The following ABL1 variants were observed in gnomAD, a reference collection of about 807,000 sequenced individuals.
ABL1 encodes tyrosine-protein kinase ABL1.
In ABL1, 11 loss-of-function variants were observed where a neutral mutation model predicts 94.7. That is an observed-to-expected ratio of 0.12 (90% CI 0.07 to 0.19). ABL1 has a LOEUF of 0.19. Ranked by LOEUF, ABL1 falls within the 10% of genes least tolerant of loss-of-function variation. The pLI, the probability that ABL1 is intolerant of heterozygous loss-of-function variation, is 1.00. For synonymous variants in ABL1, 656 were observed against 622.4 expected, an observed-to-expected ratio of 1.05 and a Z score of -0.80; for missense variants, 1,082 against 1,489.4, an observed-to-expected ratio of 0.73 and a Z score of 4.50.
chr9:130,723,049 A>G (rs1424631290), intron 1 of ABL1, among the ~76,000 whole-genome samples: 1 of 152,126 alleles, frequency 6.6e-6, no homozygotes, highest in Admixed American at 6.6e-5. Context: ...TGGGAATTAA[A>G]CCCATAGGAA....
rs527487851 is a variant in ABL1, at chr9:130,742,331, T to C, written c.136+27876T>C. Among the ~76,000 whole-genome samples the C allele has an allele frequency of 1.0e-3, 157 of 152,346 alleles. 2 individuals carry two copies. The highest frequency in any genetic ancestry group is 4.9e-3 in the Admixed American group (75 of 15,298). ...CCCACATACTTCTGAGATGTACTGA[T>C]GATGACTACATTTAAAGCTTTTTCT... On this transcript the variant is annotated intron_variant, in intron 1 of 10. Transcript: ENST00000372348.
intron 1 of ABL1, among the ~76,000 whole-genome samples, chr9:130,734,649 G>A (rs1308796525): frequency 6.6e-6 from 1 of 151,588 alleles, no homozygotes; most frequent in Non-Finnish European, 1.5e-5. Context: ...AGCCTCCCGA[G>A]TAGCTGGGAT....
chr9:130,858,730 C>T (rs1439239733), intron 3 of ABL1, among the ~76,000 whole-genome samples: 1 of 152,044 alleles, frequency 6.6e-6, no homozygotes, highest in East Asian at 1.9e-4. Flanking sequence ...ATTTTAAGAC[C>T]GATAGGAGGA....
intron 1 of ABL1, among the ~76,000 whole-genome samples, chr9:130,825,371 CT>C (rs1830412336): frequency 6.6e-6 from 1 of 152,102 alleles, no homozygotes; most frequent in African/African-American, 2.4e-5. Context: ...TTTGCAGATT[CT>C]TTTAGTCTTA....
At chr9:130,836,112 T>C (rs1027306684) in intron 1 of ABL1, among the ~76,000 whole-genome samples, 5 of 152,176 alleles carry the variant, frequency 3.3e-5, no homozygotes, top group Admixed American at 3.3e-4. Flanking sequence ...CCCACCCCCA[T>C]CTTATCTACA....
At chr9:130,785,413 G>A (rs1829813206) in intron 1 of ABL1, among the ~76,000 whole-genome samples, 1 of 152,172 alleles carries the variant, frequency 6.6e-6, no homozygotes, top group Non-Finnish European at 1.5e-5. Flanking sequence ...GTTTGCCACC[G>A]GCATGCTGTG....
At chr9:130,829,756 T>TA in intron 1 of ABL1, among the ~76,000 whole-genome samples, 1 of 152,286 alleles carries the variant, frequency 6.6e-6, no homozygotes, top group South Asian at 2.1e-4. Flanking sequence ...GAAACATTCA[T>TA]AGTATATTAT....
At position 130,863,934 on chromosome 9, in the gene ABL1, T is replaced by G. The variant is rs1831115439; in HGVS notation, c.822+899T>G. Among the ~76,000 whole-genome samples, 1 of 151,970 alleles carries G rather than the reference T, an allele frequency of 6.6e-6. No individual in the cohort carries two copies. Among genetic ancestry groups the G allele is most frequent in the African/African-American group, 2.4e-5 (1 of 41,382 alleles). On this transcript the variant is annotated intron_variant, in intron 4 of 10. Transcript: ENST00000318560. The surrounding 1 kb of genome is among the most constrained non-coding windows in gnomAD (Gnocchi z 4.3). ...ACATCCACCTCTGGGAAAAATAGAG[T>G]TTAGTTTGTGCATGTGTCTCAGAAG...
At chr9:130,854,557 T>C (rs1830943591) in intron 2 of ABL1, among the ~76,000 whole-genome samples, 1 of 152,202 alleles carries the variant, frequency 6.6e-6, no homozygotes, top group Non-Finnish European at 1.5e-5. Flanking sequence ...AGCACTTGAA[T>C]AAACATAATT....
intron 1 of ABL1, among the ~76,000 whole-genome samples, chr9:130,826,906 A>G (rs562030995): frequency 7.9e-5 from 12 of 152,140 alleles, no homozygotes; most frequent in East Asian, 3.9e-4. Flanking sequence ...GTGAAACACC[A>G]TCTCTACTAA....
intron 1 of ABL1, among the ~76,000 whole-genome samples, chr9:130,735,384 A>G (rs1009281002): frequency 2.0e-5 from 3 of 152,076 alleles, no homozygotes; most frequent in African/African-American, 4.8e-5. Context: ...CTACAAAGCT[A>G]CAGAACAAAC....
At chr9:130,806,456 TTAG>T (rs1830126502) in intron 1 of ABL1, among the ~76,000 whole-genome samples, 1 of 152,176 alleles carries the variant, frequency 6.6e-6, no homozygotes, top group Non-Finnish European at 1.5e-5. Flanking sequence ...TTTAAGCTTG[TTAG>T]TAAGCCAGGC....
Position 130,885,923 on chromosome 9 carries a change from A to G in ABL1, c.*240A>G. 1.8e-6 allele frequency: 1 copy of G among 565,034 alleles called. No individual in the cohort carries two copies. 35.0% of individuals were successfully genotyped at this position (565,034 alleles called of 1,614,324 possible). Reference sequence around the variant, plus strand: ...CTCTGTCCTCGAATTTTATCTGTGGAGTTCCTGCTCCGTGGACTGCAGTCG... The same window carrying G: ...CTCTGTCCTCGAATTTTATCTGTGGGGTTCCTGCTCCGTGGACTGCAGTCG... On this transcript the variant is annotated 3_prime_UTR_variant, in exon 11 of 11. Coordinates refer to ENST00000318560, the MANE Select transcript of ABL1 (RefSeq NM_005157.6).
chr9:130,860,136 A>G (rs1170469557), intron 3 of ABL1, among the ~76,000 whole-genome samples: 1 of 152,180 alleles, frequency 6.6e-6, no homozygotes, highest in Non-Finnish European at 1.5e-5. Context: ...TTCCCTGAAC[A>G]TGCCATGAAT....
intron 1 of ABL1, among the ~76,000 whole-genome samples, chr9:130,721,576 G>C (rs1239732641): frequency 6.6e-6 from 1 of 152,038 alleles, no homozygotes; most frequent in Non-Finnish European, 1.5e-5. Context: ...TGGGCGTGGT[G>C]GTACACGCCT....
chr9:130,719,256 C>T (rs527864817), intron 1 of ABL1, among the ~76,000 whole-genome samples: 17 of 152,210 alleles, frequency 1.1e-4, no homozygotes, highest in Admixed American at 2.6e-4. Context: ...AGGCCAGGCA[C>T]GGTGGCTCAT....
intron 1 of ABL1, among the ~76,000 whole-genome samples, chr9:130,762,079 T>C (rs1225958975): frequency 6.7e-6 from 1 of 149,778 alleles, no homozygotes; most frequent in Admixed American, 6.7e-5. Context: ...GGAGGCGAAG[T>C]TTGTGGGGAC....
intron 1 of ABL1, among the ~76,000 whole-genome samples, chr9:130,850,617 G>A (rs932973415): frequency 3.9e-5 from 6 of 152,002 alleles, no homozygotes; most frequent in Admixed American, 6.5e-5. Context: ...AGCGATTCTC[G>A]TGCCTCAGCA....
intron 1 of ABL1, among the ~76,000 whole-genome samples, chr9:130,781,077 C>G (rs1829748961): frequency 6.6e-6 from 1 of 152,100 alleles, no homozygotes; most frequent in African/African-American, 2.4e-5. Flanking sequence ...CGCAGTGAGT[C>G]AACGCAGTCC....
Sources: allele counts gnomAD v4.1 joint callset (sites outside exome capture counted in the v4.1 genomes callset), GRCh38; gene constraint gnomAD v4.1.1; non-coding constraint Gnocchi (gnomAD v3.1); transcripts MANE v1.5; gene names NCBI Gene and HGNC (gene_info 2026-07-23, HGNC 2026-07-21).